GUF1: variants seen among roughly 807,000 people sequenced by gnomAD.
GUF1 encodes the protein translation factor GUF1, mitochondrial.
In GUF1, 78 loss-of-function variants were observed where a neutral mutation model predicts 82.4. That is an observed-to-expected ratio of 0.95 (90% CI 0.79 to 1.14). The LOEUF is 1.14. Ranked by LOEUF, GUF1 falls within the 50% of genes most tolerant of loss-of-function variation. The probability of loss-of-function intolerance (pLI) is 0.00; values close to 1 mark genes in which losing one functional copy is unlikely to be tolerated. For missense variants in GUF1, 814 were observed against 798.2 expected (o/e 1.02, Z -0.24); for synonymous variants, 279 against 282.3 (o/e 0.99, Z 0.12).
At chr4:44,694,370 C>T (rs1469425774) in intron 13 of GUF1, 42 bp from the exon 14 acceptor site, 2 of 1,149,808 alleles carry the variant, frequency 1.7e-6, no homozygotes. Flanking sequence ...GGTAATCTCT[C>T]AGGAAGTGTA....
intron 11 of GUF1, 96 bp downstream of exon 11, chr4:44,690,071 C>A: frequency 1.2e-6 from 1 of 817,246 alleles, no homozygotes; most frequent in Non-Finnish European, 1.8e-6. Context: ...AAGCTTTTTA[C>A]TATACCAATA....
Position 44,678,787 on chromosome 4 carries a change from G to C in GUF1, c.165G>C (p.Lys55Asn). The C allele has an allele frequency of 1.3e-6, 2 of 1,551,266 alleles. No individual in the cohort carries two copies. The highest frequency in any genetic ancestry group is 1.7e-6 in the Non-Finnish European group (2 of 1,155,974). Residue 55 changes from lysine (K) to asparagine (N), a missense_variant and splice_region_variant, in exon 1 of 17, where the codon AAG becomes AAC. Physicochemically the swap from Lys to Asn is moderately conservative, Grantham distance 94 (BLOSUM62 0). Transcript: ENST00000281543. ...TDRLYSSAEF[K>N]EKLDMSRFPV... ...GGCTCTACAGCTCCGCAGAATTCAA[G>C]GTGACTGCCCCCTGGAATCTGATTT...
chr4:44,698,054 G>A (rs116424244), intron 16 of GUF1, among the ~76,000 whole-genome samples: 243 of 152,298 alleles, frequency 1.6e-3, no homozygotes, highest in Non-Finnish European at 2.5e-3. Flanking sequence ...GGTGCAGCAT[G>A]AGAATTGCTT....
In GUF1 at chr4:44,682,411, G is replaced by A. The variant is rs1475493753; in HGVS notation, c.585G>A (p.Lys195=). The A allele has an allele frequency of 6.7e-7, 1 of 1,482,402 alleles. No individual in the cohort carries two copies. Among genetic ancestry groups the A allele is most frequent in the South Asian group, 1.4e-5 (1 of 73,606 alleles). The allele number at this position is 1,482,402 out of a possible 1,614,324, so 91.8% of individuals were successfully genotyped here. ...AQLSVIPVIN[K]IDLKNADPER... Reference sequence around the variant, plus strand: ...TATCGGTAATTCCAGTTATAAATAAGGTAATTACAATGAGACAACAGTGTT... The same window carrying A: ...TATCGGTAATTCCAGTTATAAATAAAGTAATTACAATGAGACAACAGTGTT... The change falls in exon 5 of 17, where the codon AAG becomes AAA. Residue 195 remains lysine (K), a splice_region_variant and synonymous_variant. Coordinates refer to ENST00000281543, the MANE Select transcript of GUF1 (RefSeq NM_021927.3).
rs1431594710 is a variant in GUF1, at chr4:44,696,152, CT to C, written c.1835+420del. Among the ~76,000 whole-genome samples, 5 of 152,118 alleles carry C rather than the reference CT, an allele frequency of 3.3e-5. 1 individual carries two copies. Among genetic ancestry groups the C allele is most frequent in the Admixed American group, 3.3e-4 (5 of 15,268 alleles). ...CAAAGCATTTAATATTGCTTCCCCACTTCCGCAGAGCTAGGGAGGTTATAAA... is the reference window on the plus strand; with the variant it reads ...CAAAGCATTTAATATTGCTTCCCCACTCCGCAGAGCTAGGGAGGTTATAAA... On this transcript the variant is annotated intron_variant, in intron 15 of 16. Transcript: ENST00000281543.
chr4:44,680,866 T>G lies in GUF1; in HGVS notation c.426+24T>G, dbSNP rs1577762412. On this transcript the variant is annotated intron_variant, in intron 3 of 16. Transcript: ENST00000281543. ...CGGTAAGTTTAATATTAATTTTGCA[T>G]GTATTGTTAAAGTCAACATTGTGTC... The G allele has an allele frequency of 8.9e-6, 14 of 1,578,400 alleles. No individual in the cohort carries two copies. In the East Asian group the frequency reaches 3.1e-4, roughly 35 times the overall value.
intron 8 of GUF1, among the ~76,000 whole-genome samples, chr4:44,687,693 A>G (rs769278369): frequency 1.9e-4 from 29 of 151,980 alleles, no homozygotes; most frequent in Non-Finnish European, 3.5e-4. Flanking sequence ...TGTACTTATT[A>G]TAATGCTTTT....
rs1714560077 is a variant in GUF1, at chr4:44,678,533, C to T, written c.-90C>T. Reference sequence around the variant, plus strand: ...CAGGATCTGTTTGAGTCCTGTCCACCGGATCCTACGGGGGGTACCTTCGAA... The same window carrying T: ...CAGGATCTGTTTGAGTCCTGTCCACTGGATCCTACGGGGGGTACCTTCGAA... On this transcript the variant is annotated 5_prime_UTR_variant, in exon 1 of 17. Transcript: ENST00000281543. The T allele has an allele frequency of 9.3e-7, 1 of 1,072,576 alleles. No individual in the cohort carries two copies. The highest frequency in any genetic ancestry group is 4.1e-5 in the Admixed American group (1 of 24,296). The allele number at this position is 1,072,576 out of a possible 1,614,324, so 66.4% of individuals were successfully genotyped here.
chr4:44,698,418 G>A, intron 16 of GUF1, 126 bp from the exon 17 acceptor site: 1 of 672,226 alleles, frequency 1.5e-6, no homozygotes, highest in Non-Finnish European at 2.5e-6. Context: ...AGGAAGATTA[G>A]AGAGATGTCT....
intron 8 of GUF1, 151 bp from the exon 9 acceptor site, chr4:44,687,856 G>C (rs1715157021): frequency 1.6e-6 from 1 of 609,418 alleles, no homozygotes. Flanking sequence ...ACAAGCTTCA[G>C]AGTTTGATAA....
rs773627332 is a variant in GUF1 at position 44,678,668 on chromosome 4, G to A, written c.46G>A (p.Ala16Thr). Reference sequence around the variant, plus strand: ...GGGCTGGGGGTGCGCACGCGCTCTCGCGCCACGAGCCACTGGGGCCGCGCT... The same window carrying A: ...GGGCTGGGGGTGCGCACGCGCTCTCACGCCACGAGCCACTGGGGCCGCGCT... ...GRGWGCARAL[A>T]PRATGAALLV... is the part of the protein sequence containing the mutation. Residue 16 changes from alanine (A) to threonine (T), a missense_variant, in exon 1 of 17, where the codon GCG (alanine) becomes ACG (threonine). Transcript: ENST00000281543. 1.1e-5 allele frequency: 17 copies of A among 1,490,386 alleles called. No homozygotes were observed. In the African/African-American group the frequency reaches 1.8e-4, roughly 16 times the overall value. 92.3% of individuals were successfully genotyped at this position (1,490,386 alleles called of 1,614,324 possible). A position where few individuals can be genotyped will look rare whatever the true frequency, so the allele number is the denominator to read the frequency against.
intron 1 of GUF1, among the ~76,000 whole-genome samples, 186 bp from the exon 2 acceptor site, chr4:44,680,255 A>G (rs536400260): frequency 1.2e-4 from 19 of 152,294 alleles, no homozygotes; most frequent in Admixed American, 9.1e-4. Flanking sequence ...ACCTTTGGCT[A>G]TTAAACTGAT....
At chr4:44,691,608 C>T (rs2109657227) in intron 12 of GUF1, 58 bp from the exon 13 acceptor site, 2 of 1,309,456 alleles carry the variant, frequency 1.5e-6, no homozygotes, top group East Asian at 2.4e-5. Context: ...AGAAATACAT[C>T]ATTCCTCAGT....
In GUF1 at chr4:44,697,475, A is replaced by G. The variant is rs369782755; in HGVS notation, c.1872+31A>G. Reference sequence around the variant, plus strand: ...TATCTAGTTGTATTTATTCTACTTTATAACTTTTATGGGCTTTAAATCAAA... The same window carrying G: ...TATCTAGTTGTATTTATTCTACTTTGTAACTTTTATGGGCTTTAAATCAAA... On this transcript the variant is annotated intron_variant, in intron 16 of 16. Coordinates refer to ENST00000281543, the MANE Select transcript of GUF1 (RefSeq NM_021927.3). 42 of 1,203,990 alleles carry G rather than the reference A, an allele frequency of 3.5e-5. 1 individual carries two copies. Among genetic ancestry groups the G allele is most frequent in the Middle Eastern group, 3.8e-4 (2 of 5,236 alleles). 74.6% of individuals were successfully genotyped at this position (1,203,990 alleles called of 1,614,324 possible).
rs1481623767 is a variant in GUF1, at chr4:44,695,839, T to C, written c.1835+105T>C. On this transcript the variant is annotated intron_variant, in intron 15 of 16. Transcript: ENST00000281543. ...AATTTAACATTGGCCTAAGCTTTCT[T>C]ACTTGTAGAAACAGTATGATGGTGC... 5 of 1,144,388 alleles carry C rather than the reference T, an allele frequency of 4.4e-6. No homozygotes were observed. In the African/African-American group the frequency reaches 7.8e-5, roughly 18 times the overall value. 70.9% of individuals were successfully genotyped at this position (1,144,388 alleles called of 1,614,324 possible). A position where few individuals can be genotyped will look rare whatever the true frequency, so the allele number is the denominator to read the frequency against.
chr4:44,688,591 G>A (rs544528336), intron 9 of GUF1, among the ~76,000 whole-genome samples: 1 of 151,840 alleles, frequency 6.6e-6, no homozygotes, highest in Admixed American at 6.6e-5. Flanking sequence ...TATAATTTCA[G>A]AATCTTTTAC....
Position 44,699,654 on chromosome 4 carries a change from G to A in GUF1, c.*973G>A, listed in dbSNP as rs1413186314. On this transcript the variant is annotated 3_prime_UTR_variant, in exon 17 of 17. Coordinates refer to ENST00000281543, the MANE Select transcript of GUF1 (RefSeq NM_021927.3). ...CCTTAAGTGTCAAATTTGTTAGCAG[G>A]ATTAATTGATATGAATTCACTTATT... 1.3e-5 allele frequency: 2 copies of A among 152,160 alleles called. No individual in the cohort carries two copies. The highest frequency in any genetic ancestry group is 2.9e-5 in the Non-Finnish European group (2 of 68,032). The allele number at this position is 152,160 out of a possible 1,614,324, so 9.4% of individuals were successfully genotyped here.
chr4:44,679,449 G>T (rs1311781057), intron 1 of GUF1, among the ~76,000 whole-genome samples: 1 of 152,166 alleles, frequency 6.6e-6, no homozygotes, highest in East Asian at 1.9e-4. Flanking sequence ...GTGACTGAAG[G>T]CAAGCTATAA....
rs1484450925 is a variant in GUF1 at position 44,685,972 on chromosome 4, TTGGAAC to T, written c.684_689del (p.Gly229_Thr230del). 6.2e-7 allele frequency: 1 copy of T among 1,604,370 alleles called. No homozygotes were observed. The highest frequency in any genetic ancestry group is 1.3e-5 in the African/African-American group (1 of 74,676). On this transcript the variant is annotated inframe_deletion, in exon 7 of 17. Coordinates refer to ENST00000281543, the MANE Select transcript of GUF1 (RefSeq NM_021927.3). ...GTATCTTTTTAGATTTCTGCTAAAC[TTGGAAC>T]AAATGTTGAGAGTGTTCTTCAGGCA...
Sources: gnomAD v4.1 joint callset for allele counts (sites outside exome capture counted in the v4.1 genomes callset) on GRCh38, gnomAD v4.1.1 for gene constraint, MANE v1.5 for transcripts, NCBI Gene and HGNC (gene_info 2026-07-23, HGNC 2026-07-21) for gene names.